The following NOS1 variants were observed in gnomAD, a reference collection of about 807,000 sequenced individuals.
The protein encoded by NOS1 is nitric oxide synthase 1.
Under a neutral mutation model 164.5 loss-of-function variants are expected in NOS1, and 51 were observed. That is an observed-to-expected ratio of 0.31 (90% CI 0.25 to 0.39). The LOEUF is 0.39. Ranked by LOEUF, NOS1 falls within the 10% of genes least tolerant of loss-of-function variation. The pLI, the probability that NOS1 is intolerant of heterozygous loss-of-function variation, is 1.00. For synonymous variants in NOS1, 719 were observed against 745.8 expected, an observed-to-expected ratio of 0.96 and a Z score of 0.59; for missense variants, 1,362 against 1,885.6, an observed-to-expected ratio of 0.72 and a Z score of 5.14.
chr12:117,274,425 T>A (rs1202505949), intron 9 of NOS1, among the ~76,000 whole-genome samples: 1 of 151,804 alleles, frequency 6.6e-6, no homozygotes, highest in African/African-American at 2.4e-5. Flanking sequence ...AAACTGCAAA[T>A]AGAACTACCA....
chr12:117,319,942 G>C (rs1874840031), intron 2 of NOS1, among the ~76,000 whole-genome samples: 1 of 152,120 alleles, frequency 6.6e-6, no homozygotes, highest in South Asian at 2.1e-4. Context: ...CATTTGTAAA[G>C]ATGGGGAAAC....
rs143439636 is a variant in NOS1 at position 117,297,912 on chromosome 12, C to T, written c.853-7486G>A. Among the ~76,000 whole-genome samples the T allele has an allele frequency of 4.6e-3, 706 of 152,112 alleles. 4 individuals carry two copies. Among genetic ancestry groups the T allele is most frequent in the African/African-American group, 0.015 (610 of 41,502 alleles). On this transcript the variant is annotated intron_variant, in intron 3 of 28. Coordinates refer to ENST00000317775, the MANE Select transcript of NOS1 (RefSeq NM_000620.5). ...AACTACACCAGGGGAGGCAGGCAGG[C>T]GCCTCCAAGACATACAACATCTTAG...
intron 7 of NOS1, among the ~76,000 whole-genome samples, chr12:117,284,720 T>A (rs1288413190): frequency 6.6e-6 from 1 of 152,046 alleles, no homozygotes; most frequent in Non-Finnish European, 1.5e-5. Flanking sequence ...AATCCACTTG[T>A]CCCAGAAAAG....
At chr12:117,360,104 A>C (rs567645851) in intron 1 of NOS1, among the ~76,000 whole-genome samples, 1 of 151,250 alleles carries the variant, frequency 6.6e-6, no homozygotes, top group Non-Finnish European at 1.5e-5. Context: ...GCAACAAGTA[A>C]AGGGTCGATC....
chr12:117,268,236 T>C, intron 10 of NOS1, 92 bp from the exon 11 acceptor site: 1 of 861,796 alleles, frequency 1.2e-6, no homozygotes. Flanking sequence ...AAATAATTTC[T>C]TTTCTTTTTT....
intron 24 of NOS1, among the ~76,000 whole-genome samples, chr12:117,226,161 GA>G (rs887777462): frequency 4.6e-4 from 70 of 152,304 alleles, no homozygotes; most frequent in African/African-American, 1.6e-3. Context: ...CAATGGTTGA[GA>G]AAAATGATTG....
Position 117,330,537 on chromosome 12 carries a change from A to G in NOS1, c.533T>C (p.Leu178Pro), listed in dbSNP as rs1315645257. The change falls in exon 2 of 29, where the codon CTG (leucine) becomes CCG (proline). Residue 178 changes from leucine (L) to proline (P), a missense_variant. Physicochemically the swap from Leu to Pro is moderately conservative, Grantham distance 98. Coordinates refer to ENST00000317775, the MANE Select transcript of NOS1 (RefSeq NM_000620.5). This position sits in a 1 kb window ranked among gnomAD's most constrained non-coding sequence, Gnocchi z 4.6. ...EAGSLPHANG[L>P]APRPPGQDPA... ...GTCCTGGCCTGGGGGCCTGGGGGCC[A>G]GGCCGTTGGCATGGGGGAGTGAGCC... is the stretch of plus-strand genomic sequence containing the variant. The G allele has an allele frequency of 3.1e-6, 5 of 1,613,804 alleles. No individual in the cohort carries two copies. Among genetic ancestry groups the G allele is most frequent in the Non-Finnish European group, 4.2e-6 (5 of 1,179,986 alleles).
chr12:117,300,312 T>C (rs1381337506), intron 3 of NOS1, among the ~76,000 whole-genome samples: 2 of 152,224 alleles, frequency 1.3e-5, no homozygotes, highest in South Asian at 2.1e-4. Flanking sequence ...CACAGTGTCA[T>C]TGTCAGACCT....
rs113781516 is a variant in NOS1, at chr12:117,319,227, A to T, written c.726-7635T>A. ...CCACCATCCCTGACTAGTTTTTAAA[A>T]TTTTTTGTAGAGATGGGGTCTTGCT... On this transcript the variant is annotated intron_variant, in intron 2 of 28. Coordinates refer to ENST00000317775, the MANE Select transcript of NOS1 (RefSeq NM_000620.5). Among the ~76,000 whole-genome samples the T allele has an allele frequency of 4.6e-5, 7 of 152,066 alleles. No homozygotes were observed. The South Asian group carries it at 1.0e-3, about 23-fold the overall frequency.
In NOS1 at chr12:117,223,583, T is replaced by C. The variant is rs1030322370; in HGVS notation, c.3827-720A>G. 2.0e-5 allele frequency among the ~76,000 whole-genome samples: 3 copies of C among 151,606 alleles called. No individual in the cohort carries two copies. The South Asian group carries it at 6.3e-4, about 32-fold the overall frequency. On this transcript the variant is annotated intron_variant, in intron 25 of 28. Transcript: ENST00000317775. ...CCTTTTTATTTATTTATTTTATTATTATTATTATTTTAAGATGGAGTCTCA... is the reference window on the plus strand; with the variant it reads ...CCTTTTTATTTATTTATTTTATTATCATTATTATTTTAAGATGGAGTCTCA...
intron 10 of NOS1, among the ~76,000 whole-genome samples, chr12:117,269,273 T>TG (rs1872637592): frequency 6.6e-6 from 1 of 151,834 alleles, no homozygotes; most frequent in South Asian, 2.1e-4. Flanking sequence ...AGCAAAGCCC[T>TG]GGGGTGGGAT....
At chr12:117,299,404 C>T (rs563781996) in intron 3 of NOS1, among the ~76,000 whole-genome samples, 28 of 151,924 alleles carry the variant, frequency 1.8e-4, no homozygotes, top group African/African-American at 5.8e-4. Context: ...TTTGGGAGGC[C>T]GAGGTGGGCG....
intron 17 of NOS1, among the ~76,000 whole-genome samples, chr12:117,252,510 C>T (rs1871174814): frequency 6.6e-6 from 1 of 152,170 alleles, no homozygotes; most frequent in African/African-American, 2.4e-5. Flanking sequence ...ATGTCAAAAC[C>T]TATAGAATGT....
chr12:117,238,199 T>C (rs900263280), intron 20 of NOS1, among the ~76,000 whole-genome samples: 2 of 152,036 alleles, frequency 1.3e-5, no homozygotes, highest in African/African-American at 2.4e-5. Flanking sequence ...TCAGGGGCTG[T>C]GAAGCTGGGG....
At chr12:117,292,081 T>C (rs1000013967) in intron 3 of NOS1, among the ~76,000 whole-genome samples, 5 of 152,148 alleles carry the variant, frequency 3.3e-5, no homozygotes, top group African/African-American at 1.2e-4. Flanking sequence ...TTAGCATTTA[T>C]TGAGCACCTA....
chr12:117,296,897 G>A (rs73208117), intron 3 of NOS1, among the ~76,000 whole-genome samples: 3 of 152,344 alleles, frequency 2.0e-5, no homozygotes, highest in Non-Finnish European at 4.4e-5. Context: ...AGAGAAGGCA[G>A]ATGTCTGCAA....
In NOS1 at chr12:117,210,139, ATTTTTTTTTT is replaced by A; in HGVS notation, c.*5160_*5169del. The stretch of plus-strand genomic sequence containing the variant: ...AGGAGCATGCCATCATGCCCAGCTA[ATTTTTTTTTT>A]TTTTTTTTTTTAGTAGAGACGAGAT... On this transcript the variant is annotated 3_prime_UTR_variant, in exon 29 of 29. Transcript: ENST00000317775. 3.4e-6 allele frequency: 1 copy of A among 290,158 alleles called. No individual in the cohort carries two copies. Among genetic ancestry groups the A allele is most frequent in the Non-Finnish European group, 4.8e-6 (1 of 207,380 alleles). The allele number at this position is 290,158 out of a possible 1,614,324, so 18.0% of individuals were successfully genotyped here. A position where few individuals can be genotyped will look rare whatever the true frequency, so the allele number is the denominator to read the frequency against.
In NOS1 at chr12:117,215,052, AAG is replaced by A. The variant is rs1334011555; in HGVS notation, c.*255_*256del. ...GCACCCGTGAGTTGCCCTTGTCGGC[AAG>A]AGAGGGAGTGGGAACAGAGTTTTGT... is the stretch of plus-strand genomic sequence containing the variant. On this transcript the variant is annotated 3_prime_UTR_variant, in exon 29 of 29. Coordinates refer to ENST00000317775, the MANE Select transcript of NOS1 (RefSeq NM_000620.5). The A allele has an allele frequency of 1.1e-5, 13 of 1,198,872 alleles. No homozygotes were observed. The East Asian group carries it at 4.2e-4, about 38-fold the overall frequency. The allele number at this position is 1,198,872 out of a possible 1,614,324, so 74.3% of individuals were successfully genotyped here. A position where few individuals can be genotyped will look rare whatever the true frequency, so the allele number is the denominator to read the frequency against.
intron 28 of NOS1, 75 bp downstream of exon 28, chr12:117,217,971 C>A: frequency 1.8e-6 from 2 of 1,089,026 alleles, no homozygotes; most frequent in Non-Finnish European, 2.8e-6. Context: ...CGTGGGAAAG[C>A]CAGACATTCC....
Sources: gnomAD v4.1 joint callset for allele counts (sites outside exome capture counted in the v4.1 genomes callset) on GRCh38, gnomAD v4.1.1 for gene constraint, Gnocchi (gnomAD v3.1) non-coding constraint, MANE v1.5 for transcripts, NCBI Gene and HGNC (gene_info 2026-07-23, HGNC 2026-07-21) for gene names.